C8orf34: variants seen among roughly 807,000 people sequenced by gnomAD.
C8orf34 encodes the protein chromosome 8 open reading frame 34.
A neutral mutation model predicts 68.3 loss-of-function variants in C8orf34; 65 were observed. That is an observed-to-expected ratio of 0.95 (90% CI 0.78 to 1.17). The LOEUF is 1.17. C8orf34 is among the 50% of genes most tolerant of loss of function. The pLI is 0.00. For synonymous variants in C8orf34, 244 were observed against 241.2 expected, an observed-to-expected ratio of 1.01 and a Z score of -0.11; for missense variants, 664 against 655.4, an observed-to-expected ratio of 1.01 and a Z score of -0.14.
chr8:68,661,569 G>T (rs1367093838), intron 8 of C8orf34, among the ~76,000 whole-genome samples: 1 of 152,178 alleles, frequency 6.6e-6, no homozygotes, highest in Non-Finnish European at 1.5e-5. Context: ...AAAGCAGGCT[G>T]CCGGTTGCCC....
At chr8:68,815,336 A>G (rs1037391160) in intron 12 of C8orf34, among the ~76,000 whole-genome samples, 4 of 150,790 alleles carry the variant, frequency 2.7e-5, no homozygotes, top group African/African-American at 9.7e-5. Context: ...GTGTGTGTGC[A>G]TATATATGGG....
intron 5 of C8orf34, among the ~76,000 whole-genome samples, chr8:68,507,354 T>G (rs1814071187): frequency 1.3e-5 from 2 of 152,214 alleles, no homozygotes. Context: ...AAGACAGTTT[T>G]TTGTTTGTTT....
At chr8:68,782,795 C>T (rs1448622092) in intron 11 of C8orf34, among the ~76,000 whole-genome samples, 3 of 151,940 alleles carry the variant, frequency 2.0e-5, no homozygotes, top group Non-Finnish European at 2.9e-5. Context: ...TGGTGGCTCA[C>T]GCCTGTAATC....
At chr8:68,497,835 G>A (rs1813593363) in intron 5 of C8orf34, among the ~76,000 whole-genome samples, 1 of 151,922 alleles carries the variant, frequency 6.6e-6, no homozygotes. Context: ...TATTTTTGGG[G>A]GGAGATGGGG....
intron 8 of C8orf34, among the ~76,000 whole-genome samples, chr8:68,649,556 A>G (rs1042480234): frequency 1.3e-5 from 2 of 152,226 alleles, no homozygotes; most frequent in Admixed American, 1.3e-4. Context: ...TGTTCATTCA[A>G]GATCTGCATG....
At chr8:68,394,089 T>A (rs914299776) in intron 1 of C8orf34, among the ~76,000 whole-genome samples, 1 of 48,564 alleles carries the variant, frequency 2.1e-5, no homozygotes. Context: ...GGCATGCCAT[T>A]TTTTTTTTAT....
intron 10 of C8orf34, among the ~76,000 whole-genome samples, chr8:68,743,550 G>T (rs1822370867): frequency 6.6e-6 from 1 of 152,206 alleles, no homozygotes. Context: ...CCGAACCAGG[G>T]CGAGGCATTG....
At chr8:68,435,079 T>C (rs1394705274) in intron 1 of C8orf34, among the ~76,000 whole-genome samples, 9 of 150,630 alleles carry the variant, frequency 6.0e-5, no homozygotes, top group Non-Finnish European at 1.2e-4. Flanking sequence ...TATTGATTCA[T>C]TTTATTATCA....
chr8:68,673,404 C>A (rs1820081062), intron 8 of C8orf34, among the ~76,000 whole-genome samples: 1 of 152,052 alleles, frequency 6.6e-6, no homozygotes, highest in Admixed American at 6.5e-5. Flanking sequence ...GAGGAGAGCC[C>A]ACTGTCCTTA....
intron 8 of C8orf34, among the ~76,000 whole-genome samples, chr8:68,677,608 T>TG (rs36071662): frequency 0.43 from 65,259 of 151,826 alleles, 14,427 homozygotes; most frequent in East Asian, 0.56. Context: ...CCACCTGCCT[T>TG]GCCTAACAAA....
At chr8:68,522,114 C>A in intron 6 of C8orf34, 143 bp downstream of exon 6, 1 of 612,670 alleles carries the variant, frequency 1.6e-6, no homozygotes, top group Non-Finnish European at 2.6e-6. Context: ...AGGATAAAAA[C>A]ATCAATTGCT....
intron 7 of C8orf34, among the ~76,000 whole-genome samples, chr8:68,640,097 G>T (rs777828995): frequency 8.5e-5 from 13 of 152,302 alleles, no homozygotes; most frequent in Admixed American, 5.9e-4. Context: ...GTATGGCAGA[G>T]TTTGTGTGTC....
chr8:68,481,763 ACCAATACCTATACC>A (rs952060320), intron 4 of C8orf34, among the ~76,000 whole-genome samples: 11 of 152,120 alleles, frequency 7.2e-5, no homozygotes, highest in Non-Finnish European at 1.6e-4. Context: ...GCTGTATTTA[ACCAATACCTATACC>A]CCAATACCTG....
chr8:68,362,223 T>G (rs1312210052), intron 1 of C8orf34, among the ~76,000 whole-genome samples: 2 of 152,230 alleles, frequency 1.3e-5, no homozygotes, highest in African/African-American at 4.8e-5. Flanking sequence ...TTGAGGTTCT[T>G]CAATGAAGGG....
chr8:68,750,746 T>G (rs1822681744), intron 10 of C8orf34, among the ~76,000 whole-genome samples: 1 of 152,194 alleles, frequency 6.6e-6, no homozygotes, highest in African/African-American at 2.4e-5. Flanking sequence ...AATGATGCTT[T>G]CTTAGAATCA....
At chr8:68,522,889 C>G (rs1195467319) in intron 6 of C8orf34, among the ~76,000 whole-genome samples, 1 of 152,176 alleles carries the variant, frequency 6.6e-6, no homozygotes, top group Non-Finnish European at 1.5e-5. Flanking sequence ...AGCATAGCCA[C>G]AGTAACTTGG....
At chr8:68,389,560 T>A (rs1378748220) in intron 1 of C8orf34, among the ~76,000 whole-genome samples, 1 of 152,176 alleles carries the variant, frequency 6.6e-6, no homozygotes, top group African/African-American at 2.4e-5. Context: ...ATCCACATGG[T>A]ACATTAGCCT....
chr8:68,472,877 C>T (rs1336080292), intron 4 of C8orf34, among the ~76,000 whole-genome samples: 1 of 152,042 alleles, frequency 6.6e-6, no homozygotes, highest in Non-Finnish European at 1.5e-5. Flanking sequence ...TTCACAGCAC[C>T]TCTCGTTTTG....
At chr8:68,622,455 GA>G (rs111408185) in intron 7 of C8orf34, among the ~76,000 whole-genome samples, 20 of 148,552 alleles carry the variant, frequency 1.3e-4, no homozygotes, top group South Asian at 4.3e-4. Flanking sequence ...GCTCTTAAAG[GA>G]AAAAAAAAAT....
Sources: gnomAD v4.1 joint callset for allele counts (sites outside exome capture counted in the v4.1 genomes callset) on GRCh38, gnomAD v4.1.1 for gene constraint, MANE v1.5 for transcripts, NCBI Gene and HGNC (gene_info 2026-07-23, HGNC 2026-07-21) for gene names.